Variants in PDZD2 observed in about 807,000 individuals in gnomAD.
PDZD2 encodes PDZ domain containing 2.
A neutral mutation model predicts 220.7 loss-of-function variants in PDZD2; 90 were observed. The observed-to-expected ratio is 0.41, with a 90% CI of 0.34 to 0.49. The LOEUF (loss-of-function observed/expected upper bound fraction) is 0.49. Ranked by LOEUF, PDZD2 falls within the 20% of genes least tolerant of loss-of-function variation. The probability of loss-of-function intolerance (pLI) is 0.28; values close to 1 mark genes in which losing one functional copy is unlikely to be tolerated. For missense variants in PDZD2, 3,174 were observed against 3,608.5 expected (o/e 0.88, Z 3.08); for synonymous variants, 1,375 against 1,450.5 (o/e 0.95, Z 1.18).
chr5:32,090,152 G>A lies in PDZD2; in HGVS notation c.6704G>A (p.Arg2235Gln), dbSNP rs756751238. 21 of 1,613,976 alleles carry A rather than the reference G, an allele frequency of 1.3e-5. No homozygotes were observed. In the East Asian group the frequency reaches 2.7e-4, roughly 21 times the overall value. ...GCCCAGTTCTCAAGCCATTTTGGAC[G>A]GGAGGGTCACCCCCCACACAGCCTG... is the stretch of plus-strand genomic sequence containing the variant. Reference protein sequence around the residue: ...MPAQFSSHFGREGHPPHSLGR... With the variant: ...MPAQFSSHFGQEGHPPHSLGR... Residue 2235 changes from arginine (R) to glutamine (Q), a missense_variant, in exon 20 of 25, where the codon CGG (arginine) becomes CAG (glutamine). Physicochemically the swap from Arg to Gln is conservative, Grantham distance 43. Coordinates refer to ENST00000438447, the MANE Select transcript of PDZD2 (RefSeq NM_178140.4). This position sits in a 1 kb window ranked among gnomAD's most constrained non-coding sequence, Gnocchi z 4.3.
chr5:31,834,933 CTT>C (rs34162867), intron 2 of PDZD2, among the ~76,000 whole-genome samples: 52,323 of 149,922 alleles, frequency 0.35, 9,702 homozygotes, highest in Non-Finnish European at 0.41. Context: ...TATAAAATCT[CTT>C]TATATATATG....
At chr5:31,862,327 C>T (rs1274865358) in intron 2 of PDZD2, among the ~76,000 whole-genome samples, 1 of 151,884 alleles carries the variant, frequency 6.6e-6, no homozygotes, top group African/African-American at 2.4e-5. Flanking sequence ...TGGTCTCAAA[C>T]TCCTGACCTC....
chr5:31,976,937 C>T (rs1431692846), intron 2 of PDZD2, among the ~76,000 whole-genome samples: 2 of 151,222 alleles, frequency 1.3e-5, no homozygotes, highest in Non-Finnish European at 2.9e-5. Flanking sequence ...AGGCTGGTCT[C>T]GAACTCCTGA....
At chr5:31,839,467 C>A (rs2150281331) in intron 2 of PDZD2, among the ~76,000 whole-genome samples, 1 of 152,234 alleles carries the variant, frequency 6.6e-6, no homozygotes, top group Non-Finnish European at 1.5e-5. Flanking sequence ...GGTTCATGAG[C>A]ACATTTAAGG....
At chr5:32,059,751 A>G (rs1464099456) in intron 13 of PDZD2, among the ~76,000 whole-genome samples, 3 of 152,222 alleles carry the variant, frequency 2.0e-5, no homozygotes, top group Admixed American at 2.0e-4. Context: ...GATGCCAAAC[A>G]GTCCTGAAAT....
chr5:31,809,600 GGAA>G (rs1754970745), intron 2 of PDZD2, among the ~76,000 whole-genome samples: 7 of 152,166 alleles, frequency 4.6e-5, no homozygotes, highest in Admixed American at 4.6e-4. Flanking sequence ...ACTCTGTTCT[GGAA>G]TCAGAAGCCT....
In PDZD2 at chr5:32,098,408, T is replaced by C; in HGVS notation, c.7992T>C (p.Thr2664=). ...AGGGGGCGGCTTCTCAGGAAGGGAC[T>C]ATGAACCGAGGGGATTTCCTTCTGT... is the stretch of plus-strand genomic sequence containing the variant. ...FSQGAASQEG[T]MNRGDFLLSV... is the part of the protein sequence containing the mutation. Residue 2664 remains threonine (T), a synonymous_variant, in exon 23 of 25, where the codon ACT becomes ACC. Coordinates refer to ENST00000438447, the MANE Select transcript of PDZD2 (RefSeq NM_178140.4). This position sits in a 1 kb window ranked among gnomAD's most constrained non-coding sequence, Gnocchi z 4.1. 1 of 1,614,172 alleles carries C rather than the reference T, an allele frequency of 6.2e-7. No individual in the cohort carries two copies.
At chr5:32,050,378 C>T (rs1305269226) in intron 8 of PDZD2, among the ~76,000 whole-genome samples, 1 of 152,174 alleles carries the variant, frequency 6.6e-6, no homozygotes, top group African/African-American at 2.4e-5. Flanking sequence ...CTTCAGGGAT[C>T]GGGAAGCCCA....
Position 31,646,759 on chromosome 5 carries a change from G to T in PDZD2, c.-361+7322G>T, listed in dbSNP as rs767530090. ...CAAAACCACTCAGCATACAAAATTGGCATAGCTTTCCTCCACAGTTTGCCA... is the reference window on the plus strand; with the variant it reads ...CAAAACCACTCAGCATACAAAATTGTCATAGCTTTCCTCCACAGTTTGCCA... On this transcript the variant is annotated intron_variant, in intron 1 of 24. Coordinates refer to ENST00000438447, the MANE Select transcript of PDZD2 (RefSeq NM_178140.4). The surrounding 1 kb of genome is among the most constrained non-coding windows in gnomAD (Gnocchi z 4.7). 6.6e-6 allele frequency among the ~76,000 whole-genome samples: 1 copy of T among 152,062 alleles called. No individual in the cohort carries two copies. Among genetic ancestry groups the T allele is most frequent in the East Asian group, 1.9e-4 (1 of 5,188 alleles).
intron 1 of PDZD2, among the ~76,000 whole-genome samples, chr5:31,692,221 T>C (rs35508609): frequency 0.74 from 112,950 of 152,060 alleles, 42,637 homozygotes; most frequent in East Asian, 0.93. Context: ...GGTGCTAAGC[T>C]TCTCACTGCC....
intron 2 of PDZD2, among the ~76,000 whole-genome samples, chr5:31,881,408 ATTGCCCAGGCTGGAG>A (rs369638201): frequency 5.5e-4 from 59 of 106,914 alleles, no homozygotes; most frequent in African/African-American, 2.2e-3. Context: ...TTTTGCTCTT[ATTGCCCAGGCTGGAG>A]TTGGAGTGCA....
intron 6 of PDZD2, among the ~76,000 whole-genome samples, chr5:32,012,565 A>G (rs907086859): frequency 6.6e-5 from 10 of 151,252 alleles, no homozygotes; most frequent in African/African-American, 2.2e-4. Context: ...TTGTATTTTC[A>G]TTAGTAGAGA....
intron 14 of PDZD2, among the ~76,000 whole-genome samples, chr5:32,064,556 A>G (rs988075960): frequency 4.6e-5 from 7 of 152,066 alleles, no homozygotes; most frequent in African/African-American, 1.7e-4. Flanking sequence ...ATCCACTTTT[A>G]ACACTATTTT....
At chr5:32,067,678 T>C (rs1388609623) in intron 14 of PDZD2, among the ~76,000 whole-genome samples, 1 of 152,200 alleles carries the variant, frequency 6.6e-6, no homozygotes, top group Non-Finnish European at 1.5e-5. Flanking sequence ...AAGTTTTAAA[T>C]ACTCCTACCT....
intron 1 of PDZD2, among the ~76,000 whole-genome samples, chr5:31,689,707 T>C (rs908977355): frequency 1.3e-5 from 2 of 152,088 alleles, no homozygotes; most frequent in African/African-American, 4.8e-5. Flanking sequence ...GATTCTCTTC[T>C]CTGTTCCCAA....
At position 32,108,431 on chromosome 5, in the gene PDZD2, T is replaced by TTTA. The variant is rs1745016488; in HGVS notation, c.*299_*301dup. 1 of 202,908 alleles carries TTTA rather than the reference T, an allele frequency of 4.9e-6. No individual in the cohort carries two copies. 12.6% of individuals were successfully genotyped at this position (202,908 alleles called of 1,614,324 possible). ...GGATACAAGATGTGACACACCCTTC[T>TTTA]TTATTTGAAACAAACAAACATTTAG... On this transcript the variant is annotated 3_prime_UTR_variant, in exon 25 of 25. Transcript: ENST00000438447.
intron 2 of PDZD2, among the ~76,000 whole-genome samples, chr5:31,897,239 G>C (rs988006864): frequency 3.3e-5 from 5 of 152,132 alleles, no homozygotes; most frequent in African/African-American, 1.2e-4. Context: ...AGGGCACCAG[G>C]AGTATGTCAG....
Position 32,108,350 on chromosome 5 carries a change from G to A in PDZD2, c.*215G>A, listed in dbSNP as rs897022773. The A allele has an allele frequency of 1.8e-5, 7 of 381,272 alleles. No individual in the cohort carries two copies. The highest frequency in any genetic ancestry group is 3.3e-5 in the Non-Finnish European group (7 of 214,764). 23.6% of individuals were successfully genotyped at this position (381,272 alleles called of 1,614,324 possible). A position where few individuals can be genotyped will look rare whatever the true frequency, so the allele number is the denominator to read the frequency against. ...CTTCCACCTGCGTCACCCAGGCCGG[G>A]AGGGTTCCTTCGTTCCAGTGCCTGT... is the stretch of plus-strand genomic sequence containing the variant. On this transcript the variant is annotated 3_prime_UTR_variant, in exon 25 of 25. Transcript: ENST00000438447.
intron 2 of PDZD2, among the ~76,000 whole-genome samples, chr5:31,802,786 G>A (rs1278067656): frequency 1.3e-5 from 2 of 151,994 alleles, no homozygotes; most frequent in Admixed American, 6.6e-5. Context: ...CGGGCGTGGT[G>A]GCGGGTGCCT....
Sources: allele counts gnomAD v4.1 joint callset (sites outside exome capture counted in the v4.1 genomes callset), GRCh38; gene constraint gnomAD v4.1.1; non-coding constraint Gnocchi (gnomAD v3.1); transcripts MANE v1.5; gene names NCBI Gene and HGNC (gene_info 2026-07-23, HGNC 2026-07-21).